Variants in PARD3B observed in about 807,000 individuals in gnomAD.
PARD3B encodes the protein partitioning defective 3 homolog B.
In PARD3B, 103 loss-of-function variants were observed where a neutral mutation model predicts 130.2. The observed-to-expected ratio is 0.79, with a 90% CI of 0.67 to 0.93. The LOEUF is 0.93. PARD3B is among the 40% of genes least tolerant of loss of function. The probability of loss-of-function intolerance (pLI) is 0.00; values close to 1 mark genes in which losing one functional copy is unlikely to be tolerated. For synonymous variants in PARD3B, 583 were observed against 553.2 expected, an observed-to-expected ratio of 1.05 and a Z score of -0.76; for missense variants, 1,609 against 1,499.2, an observed-to-expected ratio of 1.07 and a Z score of -1.21.
At chr2:205,247,665 C>A (rs111690431) in intron 16 of PARD3B, among the ~76,000 whole-genome samples, 4 of 152,288 alleles carry the variant, frequency 2.6e-5, no homozygotes, top group African/African-American at 9.6e-5. Context: ...GTTATTACTA[C>A]TTCACGTTTT....
intron 15 of PARD3B, among the ~76,000 whole-genome samples, chr2:205,228,143 A>G (rs2038657217): frequency 6.6e-6 from 1 of 152,166 alleles, no homozygotes; most frequent in African/African-American, 2.4e-5. Flanking sequence ...TACATGGCAC[A>G]ATTACAATGT....
intron 3 of PARD3B, among the ~76,000 whole-genome samples, chr2:205,012,848 C>T (rs1486756075): frequency 1.3e-5 from 2 of 152,150 alleles, no homozygotes; most frequent in African/African-American, 4.8e-5. Flanking sequence ...CACTAAAGTC[C>T]TTCTGTGGGT....
intron 4 of PARD3B, among the ~76,000 whole-genome samples, chr2:205,061,159 G>A (rs909209300): frequency 6.6e-6 from 1 of 152,154 alleles, no homozygotes; most frequent in East Asian, 1.9e-4. Context: ...GAAGATATAG[G>A]TAGAATAAAG....
intron 2 of PARD3B, among the ~76,000 whole-genome samples, chr2:204,945,330 A>G (rs1396907981): frequency 6.6e-6 from 1 of 152,198 alleles, no homozygotes; most frequent in Non-Finnish European, 1.5e-5. Flanking sequence ...TGAAATCACC[A>G]GGATATAGAA....
intron 11 of PARD3B, among the ~76,000 whole-genome samples, chr2:205,171,196 C>T (rs1421017479): frequency 2.0e-5 from 3 of 152,214 alleles, no homozygotes; most frequent in Non-Finnish European, 2.9e-5. Flanking sequence ...TGATAACATT[C>T]GTAATCACAG....
rs1185160724 is a variant in PARD3B, at chr2:205,405,324, A to G, written c.2741+4201A>G. ...GGATAGAGGCTAGAAATGTAGCTAA[A>G]AATCTTACAATGCACAGGACAGCTA... On this transcript the variant is annotated intron_variant, in intron 19 of 22. Transcript: ENST00000406610. This position sits in a 1 kb window ranked among gnomAD's most constrained non-coding sequence, Gnocchi z 4.1. 1.3e-5 allele frequency among the ~76,000 whole-genome samples: 2 copies of G among 152,160 alleles called. No homozygotes were observed. Among genetic ancestry groups the G allele is most frequent in the African/African-American group, 2.4e-5 (1 of 41,446 alleles).
At chr2:204,695,747 A>T (rs1331996230) in intron 2 of PARD3B, among the ~76,000 whole-genome samples, 1 of 152,070 alleles carries the variant, frequency 6.6e-6, no homozygotes, top group Non-Finnish European at 1.5e-5. Flanking sequence ...TTGTGGTGGT[A>T]TGAGAACACT....
At chr2:205,523,517 T>G (rs2051187410) in intron 21 of PARD3B, among the ~76,000 whole-genome samples, 1 of 152,000 alleles carries the variant, frequency 6.6e-6, no homozygotes, top group East Asian at 1.9e-4. Context: ...GCTTTATAAA[T>G]ATTATTTAGC....
intron 10 of PARD3B, among the ~76,000 whole-genome samples, chr2:205,134,595 A>G (rs1199636456): frequency 6.6e-6 from 1 of 152,126 alleles, no homozygotes; most frequent in Non-Finnish European, 1.5e-5. Context: ...ACCTTCTCTC[A>G]CTTGTGCAAT....
At position 205,245,800 on chromosome 2, in the gene PARD3B, C is replaced by T. The variant is rs1274713457; in HGVS notation, c.2163C>T (p.His721=). The part of the protein sequence containing the change: ...MDLVPDESKV[H]SLAGQKSESP... ...CAGTGCCAGATGAAAGCAAGGTTCACTCATTGGCTGGACAAAAATCGGGTA... is the reference window on the plus strand; with the variant it reads ...CAGTGCCAGATGAAAGCAAGGTTCATTCATTGGCTGGACAAAAATCGGGTA... The change falls in exon 16 of 23, where the codon CAC becomes CAT. Residue 721 remains histidine (H), a synonymous_variant. Transcript: ENST00000406610. 4 of 1,602,780 alleles carry T rather than the reference C, an allele frequency of 2.5e-6. No homozygotes were observed. In the African/African-American group the frequency reaches 4.0e-5, roughly 16 times the overall value.
At chr2:205,238,983 G>T (rs2125910071) in intron 15 of PARD3B, among the ~76,000 whole-genome samples, 1 of 144,058 alleles carries the variant, frequency 6.9e-6, no homozygotes, top group South Asian at 2.2e-4. Context: ...AGAAAAGCTG[G>T]CAAAAGTGGT....
intron 15 of PARD3B, among the ~76,000 whole-genome samples, chr2:205,234,502 A>T (rs1247226125): frequency 6.6e-6 from 1 of 152,230 alleles, no homozygotes; most frequent in Non-Finnish European, 1.5e-5. Flanking sequence ...TAATTATTCT[A>T]AATGCTTATG....
At chr2:205,044,599 G>A (rs1447317815) in intron 3 of PARD3B, among the ~76,000 whole-genome samples, 1 of 152,042 alleles carries the variant, frequency 6.6e-6, no homozygotes, top group East Asian at 1.9e-4. Context: ...CTGCATAAAT[G>A]TCTTCTTTTG....
Position 204,664,598 on chromosome 2 carries a change from G to A in PARD3B, c.121-21583G>A, listed in dbSNP as rs577655840. Reference sequence around the variant, plus strand: ...TTACACACACTTAAAAATGGATCCTGGGTTTTAAGGAAATTTCCTTTTAAG... The same window carrying A: ...TTACACACACTTAAAAATGGATCCTAGGTTTTAAGGAAATTTCCTTTTAAG... On this transcript the variant is annotated intron_variant, in intron 1 of 22. Transcript: ENST00000406610. This position sits in a 1 kb window ranked among gnomAD's most constrained non-coding sequence, Gnocchi z 5.2. Among the ~76,000 whole-genome samples the A allele has an allele frequency of 6.6e-6, 1 of 152,248 alleles. No individual in the cohort carries two copies. The highest frequency in any genetic ancestry group is 1.9e-4 in the East Asian group (1 of 5,180).
intron 21 of PARD3B, among the ~76,000 whole-genome samples, chr2:205,522,015 C>T (rs1309578925): frequency 2.0e-5 from 3 of 151,718 alleles, no homozygotes; most frequent in African/African-American, 7.3e-5. Context: ...TTTTCCTTTA[C>T]TGAATTTTGG....
intron 20 of PARD3B, among the ~76,000 whole-genome samples, chr2:205,483,104 C>A (rs541388696): frequency 3.3e-5 from 5 of 152,254 alleles, no homozygotes; most frequent in African/African-American, 1.2e-4. Flanking sequence ...GTGCATGCCT[C>A]TCTCTCTGCC....
At position 205,294,946 on chromosome 2, in the gene PARD3B, T is replaced by A. The variant is rs536373694; in HGVS notation, c.2186-5584T>A. Among the ~76,000 whole-genome samples the A allele has an allele frequency of 2.1e-3, 314 of 152,302 alleles. 1 individual carries two copies. Among genetic ancestry groups the A allele is most frequent in the African/African-American group, 7.3e-3 (304 of 41,570 alleles). On this transcript the variant is annotated intron_variant, in intron 16 of 22. Coordinates refer to ENST00000406610, the MANE Select transcript of PARD3B (RefSeq NM_001302769.2). ...GGCAAGAAGGTAATTAGGCCCATTA[T>A]GAACACAGTGAACACAGATAACATA...
At chr2:205,170,899 T>A (rs1253703654) in intron 11 of PARD3B, among the ~76,000 whole-genome samples, 1 of 152,148 alleles carries the variant, frequency 6.6e-6, no homozygotes, top group African/African-American at 2.4e-5. Context: ...TATTTTTGTG[T>A]TGTGCAGTTG....
intron 2 of PARD3B, among the ~76,000 whole-genome samples, chr2:204,938,258 C>T (rs530850839): frequency 6.6e-6 from 1 of 152,366 alleles, no homozygotes; most frequent in East Asian, 1.9e-4. Flanking sequence ...TTCCTCTACC[C>T]TCCTGTGGGC....
Sources: allele counts gnomAD v4.1 joint callset (sites outside exome capture counted in the v4.1 genomes callset), GRCh38; gene constraint gnomAD v4.1.1; non-coding constraint Gnocchi (gnomAD v3.1); transcripts MANE v1.5; gene names NCBI Gene and HGNC (gene_info 2026-07-23, HGNC 2026-07-21).